Variants in RYR2 observed in about 807,000 individuals in gnomAD.
The protein encoded by RYR2 is cardiac muscle ryanodine receptor-calcium release channel.
Under a neutral mutation model 601.1 loss-of-function variants are expected in RYR2, and 227 were observed. The observed-to-expected ratio is 0.38, with a 90% CI of 0.34 to 0.42. The LOEUF is 0.42. Ranked by LOEUF, RYR2 falls within the 10% of genes least tolerant of loss-of-function variation. RYR2 has a pLI of 1.00. For missense variants in RYR2, 4,646 were observed against 6,156.5 expected, an observed-to-expected ratio of 0.75 and a Z score of 8.21; for synonymous variants, 2,223 against 2,175.1, an observed-to-expected ratio of 1.02 and a Z score of -0.61.
chr1:237,311,945 T>TA (rs1389663733), intron 2 of RYR2, among the ~76,000 whole-genome samples: 1 of 152,140 alleles, frequency 6.6e-6, no homozygotes, highest in Non-Finnish European at 1.5e-5. Context: ...TAAATATTCT[T>TA]AAAAAACATG....
At chr1:237,185,879 C>A (rs1162322096) in intron 1 of RYR2, among the ~76,000 whole-genome samples, 2 of 152,216 alleles carry the variant, frequency 1.3e-5, no homozygotes, top group Non-Finnish European at 2.9e-5. Context: ...GGTTAAACAG[C>A]AACATAGCTC....
chr1:237,437,733 T>G (rs1707543980), intron 12 of RYR2, among the ~76,000 whole-genome samples: 1 of 152,230 alleles, frequency 6.6e-6, no homozygotes, highest in Admixed American at 6.5e-5. Flanking sequence ...GAAAAAGCAG[T>G]GCTTGCAATA....
Position 237,423,201 on chromosome 1 carries a change from G to A in RYR2, c.958G>A (p.Glu320Lys). 1 of 1,613,728 alleles carries A rather than the reference G, an allele frequency of 6.2e-7. No individual in the cohort carries two copies. Among genetic ancestry groups the A allele is most frequent in the South Asian group, 1.1e-5 (1 of 91,024 alleles). ...EDKNLLLMDKEKADVKSTAFT... is the reference protein window; with the variant it reads ...EDKNLLLMDKKKADVKSTAFT... Reference sequence around the variant, plus strand: ...CAAAAACCTTCTACTCATGGACAAAGAGAAAGCTGATGTAAAATCAACAGC... The same window carrying A: ...CAAAAACCTTCTACTCATGGACAAAAAGAAAGCTGATGTAAAATCAACAGC... Residue 320 changes from glutamate to lysine, a missense_variant, in exon 12 of 105, where the codon GAG (glutamate) becomes AAG (lysine). By Grantham distance (56) the Glu-to-Lys change is moderately conservative. Around this residue, in one of 17 missense-constraint regions of RYR2, gnomAD observed 1,807 missense variants for 2,088.1 expected, o/e 0.87. Coordinates refer to ENST00000366574, the MANE Select transcript of RYR2 (RefSeq NM_001035.3).
At chr1:237,521,979 C>T (rs1667133150) in intron 24 of RYR2, among the ~76,000 whole-genome samples, 1 of 152,008 alleles carries the variant, frequency 6.6e-6, no homozygotes, top group East Asian at 1.9e-4. Flanking sequence ...ATGCTCTTTT[C>T]TTTTTTTATT....
intron 17 of RYR2, among the ~76,000 whole-genome samples, chr1:237,484,168 C>T (rs193053288): frequency 3.5e-4 from 53 of 152,220 alleles, no homozygotes; most frequent in African/African-American, 1.1e-3. Context: ...ATCTTTTGTC[C>T]AGTATTATTA....
intron 13 of RYR2, among the ~76,000 whole-genome samples, chr1:237,444,156 G>C (rs1258048683): frequency 6.6e-6 from 1 of 152,004 alleles, no homozygotes; most frequent in Non-Finnish European, 1.5e-5. Context: ...GTTTGTGAGA[G>C]CTTTGTTTTA....
Position 237,566,603 on chromosome 1 carries a change from G to T in RYR2, c.3251G>T (p.Arg1084Met), listed in dbSNP as rs193922624. The T allele has an allele frequency of 1.9e-6, 3 of 1,613,884 alleles. No individual in the cohort carries two copies. The highest frequency in any genetic ancestry group is 3.3e-5 in the Admixed American group (2 of 60,006). Residue 1084 changes from arginine (R) to methionine (M), a missense_variant, in exon 28 of 105, where the codon AGG (arginine) becomes ATG (methionine). Around this residue, in one of 17 missense-constraint regions of RYR2, gnomAD observed 1,807 missense variants for 2,088.1 expected, o/e 0.87. Transcript: ENST00000366574. ...GAAGTGTGCAGCGGCACCGGGGAAA[G>T]GTTCCGAATCTTCCGTGCCGAGAAG... is the stretch of plus-strand genomic sequence containing the variant. ...RAEVCSGTGE[R>M]FRIFRAEKTY...
chr1:237,665,292 G>A (rs901927168), intron 56 of RYR2, among the ~76,000 whole-genome samples: 22 of 151,710 alleles, frequency 1.5e-4, no homozygotes, highest in South Asian at 2.1e-4. Context: ...CCAGCTACTC[G>A]GGAGGCTGAG....
chr1:237,277,631 T>C (rs927611056), intron 2 of RYR2, among the ~76,000 whole-genome samples: 2 of 152,070 alleles, frequency 1.3e-5, no homozygotes, highest in Non-Finnish European at 2.9e-5. Context: ...CGAGGTTTGG[T>C]CTCTAAAGAC....
At chr1:237,146,786 G>A (rs187826990) in intron 1 of RYR2, among the ~76,000 whole-genome samples, 1 of 152,040 alleles carries the variant, frequency 6.6e-6, no homozygotes, top group East Asian at 1.9e-4. Context: ...TAGTAGTTTT[G>A]TTCCTGAATT....
chr1:237,091,243 A>C (rs1360735155), intron 1 of RYR2, among the ~76,000 whole-genome samples: 1 of 152,170 alleles, frequency 6.6e-6, no homozygotes, highest in East Asian at 1.9e-4. Flanking sequence ...TTACAGCGTG[A>C]ACTTCACCAT....
rs567260429 is a variant in RYR2, at chr1:237,814,403, C to T, written c.14434-4633C>T. On this transcript the variant is annotated intron_variant, in intron 100 of 104. Transcript: ENST00000366574. ...CCTCACTCATGTCACATTTTATTCA[C>T]TTCATCCTGAGTTTCTTTGTTGTTT... Among the ~76,000 whole-genome samples the T allele has an allele frequency of 2.4e-4, 36 of 152,284 alleles. No homozygotes were observed. The South Asian group carries it at 7.5e-3, about 32-fold the overall frequency.
intron 16 of RYR2, among the ~76,000 whole-genome samples, chr1:237,462,650 A>G (rs542367742): frequency 6.6e-6 from 1 of 152,274 alleles, no homozygotes; most frequent in African/African-American, 2.4e-5. Context: ...ATGTTTGAAG[A>G]CTTGGAAAGA....
intron 4 of RYR2, among the ~76,000 whole-genome samples, chr1:237,359,431 G>A (rs942706075): frequency 1.3e-5 from 2 of 152,094 alleles, no homozygotes; most frequent in Non-Finnish European, 2.9e-5. Flanking sequence ...ACTGGTCATT[G>A]TTTTGTTTTG....
intron 25 of RYR2, among the ~76,000 whole-genome samples, chr1:237,540,936 C>A (rs537533862): frequency 1.7e-3 from 257 of 149,220 alleles, no homozygotes; most frequent in African/African-American, 6.1e-3. Flanking sequence ...TATATGTATG[C>A]ACACACACAC....
chr1:237,203,131 G>A lies in RYR2; in HGVS notation c.49-67366G>A, dbSNP rs563199329. Among the ~76,000 whole-genome samples, 21 of 152,006 alleles carry A rather than the reference G, an allele frequency of 1.4e-4. No homozygotes were observed. In the East Asian group the frequency reaches 3.5e-3, roughly 25 times the overall value. On this transcript the variant is annotated intron_variant, in intron 1 of 104. Transcript: ENST00000366574. ...GAAAAAGATTTCCAGAAGCTGTTGT[G>A]AAAAAACCACCATCACCACCACCAC...
At chr1:237,729,609 C>A (rs1412943609) in intron 76 of RYR2, among the ~76,000 whole-genome samples, 1 of 152,266 alleles carries the variant, frequency 6.6e-6, no homozygotes. Context: ...TCATGACATT[C>A]TTTTATTCTT....
chr1:237,135,976 A>G (rs1169826066), intron 1 of RYR2, among the ~76,000 whole-genome samples: 1 of 152,184 alleles, frequency 6.6e-6, no homozygotes, highest in African/African-American at 2.4e-5. Flanking sequence ...GAGCAGGGCC[A>G]CAGAGGCCCC....
chr1:237,643,089 C>A (rs1313327098), intron 47 of RYR2, among the ~76,000 whole-genome samples: 1 of 152,160 alleles, frequency 6.6e-6, no homozygotes. Flanking sequence ...ATGGATGAAC[C>A]AACTGGCCTA....
Sources: allele counts gnomAD v4.1 joint callset (sites outside exome capture counted in the v4.1 genomes callset), GRCh38; gene constraint gnomAD v4.1.1; regional missense constraint gnomAD v4.1.1; transcripts MANE v1.5; gene names NCBI Gene and HGNC (gene_info 2026-07-23, HGNC 2026-07-21).